Variants in PCDHGA1 observed in about 807,000 individuals in gnomAD.
PCDHGA1 encodes the protein protocadherin gamma subfamily A, 1.
A neutral mutation model predicts 58.0 loss-of-function variants in PCDHGA1; 32 were observed. That is an observed-to-expected ratio of 0.55 (90% CI 0.42 to 0.74). The LOEUF is 0.74. PCDHGA1 is among the 30% of genes least tolerant of loss of function. The probability of loss-of-function intolerance (pLI) is 0.00; values close to 1 mark genes in which losing one functional copy is unlikely to be tolerated. For missense variants in PCDHGA1, 1,205 were observed against 1,182.3 expected, an observed-to-expected ratio of 1.02 and a Z score of -0.28; for synonymous variants, 498 against 501.1, an observed-to-expected ratio of 0.99 and a Z score of 0.08.
At chr5:141,339,145 A>G in intron 1 of PCDHGA1, 2 of 1,614,210 alleles carry the variant, frequency 1.2e-6, no homozygotes, top group Non-Finnish European at 1.7e-6. Context: ...AGCCCCTGGC[A>G]CTGGCAGAGC....
intron 1 of PCDHGA1, chr5:141,351,572 A>ATC (rs773449391): frequency 6.8e-6 from 11 of 1,614,024 alleles, no homozygotes; most frequent in Non-Finnish European, 9.3e-6. Context: ...CACCCTGCAC[A>ATC]TCTCCGACAT....
intron 2 of PCDHGA1, among the ~76,000 whole-genome samples, chr5:141,504,750 A>C (rs921495017): frequency 6.6e-6 from 1 of 151,894 alleles, no homozygotes; most frequent in Admixed American, 6.5e-5. Context: ...ATTGAATTTT[A>C]GAAATTTCTT....
intron 1 of PCDHGA1, chr5:141,345,314 G>C (rs1343984068): frequency 1.9e-6 from 3 of 1,613,828 alleles, no homozygotes; most frequent in Non-Finnish European, 2.5e-6. Context: ...CCTCAGATGG[G>C]GGAAGCCCGC....
intron 1 of PCDHGA1, among the ~76,000 whole-genome samples, chr5:141,443,297 A>G (rs1208893030): frequency 6.7e-6 from 1 of 148,196 alleles, no homozygotes; most frequent in East Asian, 2.0e-4. Context: ...CCTGGACAGC[A>G]TGGCAAAAAC....
Position 141,418,262 on chromosome 5 carries a change from A to G in PCDHGA1, c.2422-76545A>G. On this transcript the variant is annotated intron_variant, in intron 1 of 3. Transcript: ENST00000517417. Reference sequence around the variant, plus strand: ...TAATGACCACGCCCCTCAATTCCGGAAAGATGAAATAAACTTAGAAATCAG... The same window carrying G: ...TAATGACCACGCCCCTCAATTCCGGGAAGATGAAATAAACTTAGAAATCAG... 2 of 1,614,068 alleles carry G rather than the reference A, an allele frequency of 1.2e-6. No homozygotes were observed. The highest frequency in any genetic ancestry group is 1.7e-6 in the Non-Finnish European group (2 of 1,179,902).
At chr5:141,376,234 G>A (rs1426358733) in intron 1 of PCDHGA1, 91 of 1,614,096 alleles carry the variant, frequency 5.6e-5, no homozygotes, top group Non-Finnish European at 7.5e-5. Flanking sequence ...TCAGACTGCA[G>A]CGCTGGCACA....
chr5:141,352,155 A>G, intron 1 of PCDHGA1: 2 of 1,612,668 alleles, frequency 1.2e-6, no homozygotes, highest in Non-Finnish European at 8.5e-7. Context: ...GGCGACAGGG[A>G]CGCGGCCCGC....
rs1333951046 is a variant in PCDHGA1, at chr5:141,485,847, C to T, written c.2422-8960C>T. 10 of 1,614,092 alleles carry T rather than the reference C, an allele frequency of 6.2e-6. No individual in the cohort carries two copies. In the African/African-American group the frequency reaches 8.0e-5, roughly 13 times the overall value. On this transcript the variant is annotated intron_variant, in intron 1 of 3. Transcript: ENST00000517417. This position sits in a 1 kb window ranked among gnomAD's most constrained non-coding sequence, Gnocchi z 5.7. ...GGAGGGAACCCGCCGAGATCTGGCA[C>T]CGCAGAGCTCCGGGTATCCGTGCTG...
At chr5:141,427,824 G>A (rs1298494092) in intron 1 of PCDHGA1, 5 of 1,535,458 alleles carry the variant, frequency 3.3e-6, no homozygotes, top group African/African-American at 1.4e-5. Flanking sequence ...GGTGGTGGTC[G>A]CGCAGCGTGC....
intron 1 of PCDHGA1, chr5:141,418,442 G>C: frequency 6.2e-7 from 1 of 1,614,010 alleles, no homozygotes; most frequent in Non-Finnish European, 8.5e-7. Flanking sequence ...TCCAGAATTA[G>C]TATTGCAGAA....
intron 3 of PCDHGA1, among the ~76,000 whole-genome samples, chr5:141,508,871 A>T (rs981330486): frequency 5.3e-5 from 8 of 152,062 alleles, no homozygotes; most frequent in East Asian, 3.9e-4. Flanking sequence ...AAGGCTGAAG[A>T]GGCTGACGGC....
At chr5:141,363,604 C>A (rs907704240) in intron 1 of PCDHGA1, among the ~76,000 whole-genome samples, 2 of 152,196 alleles carry the variant, frequency 1.3e-5, no homozygotes, top group Non-Finnish European at 2.9e-5. Context: ...CAAACGCTGT[C>A]TGAGATAGTG....
At position 141,360,351 on chromosome 5, in the gene PCDHGA1, G is replaced by C. The variant is rs188525608; in HGVS notation, c.2421+27246G>C. The stretch of plus-strand genomic sequence containing the variant: ...GGAAGCTGCGGGTTAGCGCGGAGAA[G>C]GAATATTTCACAGTAAACCCAGAAA... On this transcript the variant is annotated intron_variant, in intron 1 of 3. Coordinates refer to ENST00000517417, the MANE Select transcript of PCDHGA1 (RefSeq NM_018912.3). The C allele has an allele frequency of 6.2e-7, 1 of 1,613,758 alleles. No homozygotes were observed.
chr5:141,441,737 C>CG, intron 1 of PCDHGA1: 1 of 365,242 alleles, frequency 2.7e-6, no homozygotes, highest in South Asian at 2.2e-5. Flanking sequence ...AGGACTAGCT[C>CG]GCGCTCGGCG....
intron 1 of PCDHGA1, chr5:141,333,987 C>T (rs1376985975): frequency 6.6e-6 from 1 of 152,012 alleles, no homozygotes; most frequent in African/African-American, 2.4e-5. Context: ...TAACAAAAAT[C>T]AAGTATATAT....
intron 1 of PCDHGA1, chr5:141,399,756 C>G: frequency 6.2e-7 from 1 of 1,613,346 alleles, no homozygotes; most frequent in Non-Finnish European, 8.5e-7. Flanking sequence ...CAAACGTGAG[C>G]CTGCGCGTGT....
Position 141,376,230 on chromosome 5 carries a change from T to C in PCDHGA1, c.2421+43125T>C, listed in dbSNP as rs567339650. The C allele has an allele frequency of 4.3e-6, 7 of 1,614,210 alleles. No homozygotes were observed. The East Asian group carries it at 6.7e-5, about 15-fold the overall frequency. ...GTCATCGTGCTGCTGGCGCTCAGACTGCAGCGCTGGCACAAGTCACGCCTG... is the reference window on the plus strand; with the variant it reads ...GTCATCGTGCTGCTGGCGCTCAGACCGCAGCGCTGGCACAAGTCACGCCTG... On this transcript the variant is annotated intron_variant, in intron 1 of 3. Coordinates refer to ENST00000517417, the MANE Select transcript of PCDHGA1 (RefSeq NM_018912.3).
Position 141,331,954 on chromosome 5 carries a change from G to A in PCDHGA1, c.1270G>A (p.Ala424Thr). The A allele has an allele frequency of 2.5e-6, 4 of 1,614,102 alleles. No homozygotes were observed. The highest frequency in any genetic ancestry group is 1.7e-6 in the Non-Finnish European group (2 of 1,180,016). The part of the protein sequence containing the change: ...LISGYNITIT[A>T]IDQGTPALST... ...CTCTGGGTACAACATCACAATAACA[G>A]CAATAGACCAAGGAACTCCAGCTCT... Residue 424 changes from alanine to threonine, a missense_variant, in exon 1 of 4, where the codon GCA (alanine) becomes ACA (threonine). By Grantham distance (58) the Ala-to-Thr change is moderately conservative. Coordinates refer to ENST00000517417, the MANE Select transcript of PCDHGA1 (RefSeq NM_018912.3).
intron 1 of PCDHGA1, among the ~76,000 whole-genome samples, chr5:141,460,447 A>G (rs1202218653): frequency 6.6e-6 from 1 of 152,170 alleles, no homozygotes; most frequent in Non-Finnish European, 1.5e-5. Context: ...GTAACAATGA[A>G]GATTCATATT....
Sources: allele counts gnomAD v4.1 joint callset (sites outside exome capture counted in the v4.1 genomes callset), GRCh38; gene constraint gnomAD v4.1.1; non-coding constraint Gnocchi (gnomAD v3.1); transcripts MANE v1.5; gene names NCBI Gene and HGNC (gene_info 2026-07-23, HGNC 2026-07-21).